Variants in DNAH12 observed in about 807,000 individuals in gnomAD.
DNAH12 encodes the protein dynein axonemal heavy chain 12.
DNAH12 carries 285 observed loss-of-function variants against 371.5 expected under a neutral mutation model. That is an observed-to-expected ratio of 0.77 (90% CI 0.70 to 0.85). The LOEUF is 0.85. Ranked by LOEUF, DNAH12 falls within the 40% of genes least tolerant of loss-of-function variation. The probability of loss-of-function intolerance (pLI) is 0.00; values close to 1 mark genes in which losing one functional copy is unlikely to be tolerated. For synonymous variants in DNAH12, 1,200 were observed against 1,213.0 expected (o/e 0.99, Z 0.22); for missense variants, 3,611 against 3,689.4 (o/e 0.98, Z 0.55).
intron 2 of DNAH12, among the ~76,000 whole-genome samples, chr3:57,531,789 A>AAAAAAC (rs1238556924): frequency 6.6e-6 from 1 of 151,378 alleles, no homozygotes; most frequent in Admixed American, 6.6e-5. Flanking sequence ...AAAAAAAAAA[A>AAAAAAC]AAGCCTTGAG....
rs782682009 is a variant in DNAH12 at position 57,413,731 on chromosome 3, G to A, written c.6020+15C>T. On this transcript the variant is annotated intron_variant, in intron 39 of 73. Coordinates refer to ENST00000495027, the MANE Select transcript of DNAH12 (RefSeq NM_001366028.2). ...AGGTATAACTTCAGCATAACTTATC[G>A]AATTAAATAGTTACCAATGTCCACA... 7.4e-5 allele frequency: 115 copies of A among 1,544,142 alleles called. No individual in the cohort carries two copies. The highest frequency in any genetic ancestry group is 9.7e-5 in the Non-Finnish European group (111 of 1,144,502).
At chr3:57,401,563 C>T (rs1182824938) in intron 43 of DNAH12, among the ~76,000 whole-genome samples, 1 of 67,994 alleles carries the variant, frequency 1.5e-5, no homozygotes, top group Non-Finnish European at 2.6e-5. Context: ...GACTCCATCT[C>T]AAAAAAAAAA....
At chr3:57,517,574 AAAAG>A (rs1284725418) in intron 4 of DNAH12, among the ~76,000 whole-genome samples, 2 of 152,164 alleles carry the variant, frequency 1.3e-5, no homozygotes, top group Admixed American at 6.5e-5. Flanking sequence ...GTTGCAGAAA[AAAAG>A]AAAGAAAAAA....
At chr3:57,458,994 C>A (rs1240085009) in intron 20 of DNAH12, among the ~76,000 whole-genome samples, 1 of 152,158 alleles carries the variant, frequency 6.6e-6, no homozygotes, top group Admixed American at 6.5e-5. Flanking sequence ...TCCAGCACAG[C>A]TAGTTTTTCA....
intron 12 of DNAH12, among the ~76,000 whole-genome samples, chr3:57,486,830 A>G (rs960460444): frequency 1.3e-5 from 2 of 152,180 alleles, no homozygotes; most frequent in African/African-American, 4.8e-5. Flanking sequence ...TAAAGGAGAA[A>G]AAAAAGCTAT....
At chr3:57,336,196 A>C (rs2062217791) in intron 60 of DNAH12, among the ~76,000 whole-genome samples, 1 of 152,216 alleles carries the variant, frequency 6.6e-6, no homozygotes, top group East Asian at 1.9e-4. Context: ...ACTACCTAAA[A>C]GAGTGAAGTC....
At chr3:57,302,571 T>A (rs1416788133) in intron 69 of DNAH12, among the ~76,000 whole-genome samples, 76 of 73,384 alleles carry the variant, frequency 1.0e-3, no homozygotes, top group African/African-American at 2.7e-3. Flanking sequence ...ATATGTATTT[T>A]TTTTTTTTTT....
chr3:57,350,136 A>C (rs1429383142), intron 60 of DNAH12, among the ~76,000 whole-genome samples: 1 of 152,170 alleles, frequency 6.6e-6, no homozygotes, highest in African/African-American at 2.4e-5. Context: ...GACTTGGGAG[A>C]AAGTGTGGGG....
At chr3:57,467,945 G>A (rs572367221) in intron 17 of DNAH12, among the ~76,000 whole-genome samples, 2 of 152,098 alleles carry the variant, frequency 1.3e-5, no homozygotes, top group African/African-American at 4.8e-5. Flanking sequence ...AAGATGAGAG[G>A]AATAAAATGC....
chr3:57,421,628 T>C lies in DNAH12; in HGVS notation c.5452A>G (p.Ile1818Val). Reference sequence around the variant, plus strand: ...TCTTTTCCCAGTATGATTAATCGTATGAAAGTATCAAAAACACGACGGCCA... The same window carrying C: ...TCTTTTCCCAGTATGATTAATCGTACGAAAGTATCAAAAACACGACGGCCA... ...TDGRRVFDTFIRLIILGKDDE... is the reference protein window; with the variant it reads ...TDGRRVFDTFVRLIILGKDDE... The change falls in exon 36 of 74, where the codon ATA (isoleucine) becomes GTA (valine). Residue 1818 changes from isoleucine to valine, a missense_variant. Coordinates refer to ENST00000495027, the MANE Select transcript of DNAH12 (RefSeq NM_001366028.2). The C allele has an allele frequency of 3.9e-6, 6 of 1,551,668 alleles. No homozygotes were observed. The highest frequency in any genetic ancestry group is 5.2e-6 in the Non-Finnish European group (6 of 1,146,996).
chr3:57,425,506 C>A (rs2064739061), intron 34 of DNAH12, among the ~76,000 whole-genome samples: 1 of 152,050 alleles, frequency 6.6e-6, no homozygotes, highest in Non-Finnish European at 1.5e-5. Flanking sequence ...TGGACTCAGG[C>A]AGTCCTCCTG....
chr3:57,427,011 TA>T (rs2064792018), intron 34 of DNAH12, among the ~76,000 whole-genome samples: 1 of 152,110 alleles, frequency 6.6e-6, no homozygotes, highest in Non-Finnish European at 1.5e-5. Context: ...AGAATCTTCA[TA>T]AAGTGGAATT....
At chr3:57,427,532 C>CA (rs1035679285) in intron 34 of DNAH12, among the ~76,000 whole-genome samples, 6 of 151,484 alleles carry the variant, frequency 4.0e-5, no homozygotes, top group Admixed American at 1.3e-4. Context: ...ACTAAAAATA[C>CA]AAAAAAAATT....
At chr3:57,458,577 T>C (rs1045543929) in intron 20 of DNAH12, among the ~76,000 whole-genome samples, 4 of 152,140 alleles carry the variant, frequency 2.6e-5, no homozygotes, top group Admixed American at 6.5e-5. Flanking sequence ...CAGCAAGGAG[T>C]TGGCAAACTA....
rs540222042 is a variant in DNAH12 at position 57,491,030 on chromosome 3, C to T, written c.1336-1343G>A. Among the ~76,000 whole-genome samples, 6 of 138,202 alleles carry T rather than the reference C, an allele frequency of 4.3e-5. No homozygotes were observed. The South Asian group carries it at 9.6e-4, about 22-fold the overall frequency. 90.7% of individuals were successfully genotyped at this position (138,202 alleles called of 152,430 possible). ...CTGAGAGGTAGAGATTGCAGTGAGC[C>T]GAGGTCACACCACTGCACTCCAGCC... On this transcript the variant is annotated intron_variant, in intron 11 of 73. Transcript: ENST00000495027.
At position 57,453,508 on chromosome 3, in the gene DNAH12, T is replaced by C. The variant is rs944357267; in HGVS notation, c.3457-105A>G. 4.1e-5 allele frequency: 43 copies of C among 1,049,724 alleles called. No individual in the cohort carries two copies. The African/African-American group carries it at 5.1e-4, about 13-fold the overall frequency. 65.0% of individuals were successfully genotyped at this position (1,049,724 alleles called of 1,614,324 possible). On this transcript the variant is annotated intron_variant, in intron 23 of 73. Transcript: ENST00000495027. ...AAAACAATTCTGACTTCTTAATCTATCTCAATATAGAAATGAGTTCAAGCG... is the reference window on the plus strand; with the variant it reads ...AAAACAATTCTGACTTCTTAATCTACCTCAATATAGAAATGAGTTCAAGCG...
At chr3:57,483,602 G>A (rs2066826886) in intron 12 of DNAH12, 91 bp from the exon 13 acceptor site, 5 of 1,321,316 alleles carry the variant, frequency 3.8e-6, no homozygotes, top group African/African-American at 3.4e-5. Context: ...TATAAAATAA[G>A]AACTATGATA....
In DNAH12 at chr3:57,446,079, G is replaced by A. The variant is rs2065485269; in HGVS notation, c.4131C>T (p.Thr1377=). Reference sequence around the variant, plus strand: ...AGCGTCCTGCATAGCCAGGATTCATGGTAATAGCTACAAAACAATTCGGAT... The same window carrying A: ...AGCGTCCTGCATAGCCAGGATTCATAGTAATAGCTACAAAACAATTCGGAT... The part of the protein sequence containing the change: ...KLNPNCFVAI[T]MNPGYAGRSE... Residue 1377 remains threonine, a synonymous_variant, in exon 27 of 74, where the codon ACC becomes ACT. Transcript: ENST00000495027. 2 of 1,551,640 alleles carry A rather than the reference G, an allele frequency of 1.3e-6. No homozygotes were observed. The highest frequency in any genetic ancestry group is 1.7e-6 in the Non-Finnish European group (2 of 1,146,990).
chr3:57,509,297 G>A, intron 5 of DNAH12, 85 bp from the exon 6 acceptor site: 3 of 1,300,438 alleles, frequency 2.3e-6, no homozygotes, highest in Non-Finnish European at 2.2e-6. Context: ...GATTTTGGAT[G>A]GTATAGTTTA....
Sources: allele counts gnomAD v4.1 joint callset (sites outside exome capture counted in the v4.1 genomes callset), GRCh38; gene constraint gnomAD v4.1.1; transcripts MANE v1.5; gene names NCBI Gene and HGNC (gene_info 2026-07-23, HGNC 2026-07-21).